The following CCDC178 variants were observed in gnomAD, a reference collection of about 807,000 sequenced individuals.
CCDC178 encodes coiled-coil domain containing 178.
Under a neutral mutation model 117.4 loss-of-function variants are expected in CCDC178, and 126 were observed. That is an observed-to-expected ratio of 1.07 (90% confidence interval 0.93 to 1.24). The LOEUF is 1.24. Among genes scored for constraint, CCDC178 ranks in the 50% most tolerant of loss-of-function variants. CCDC178 has a pLI of 0.00. For synonymous variants in CCDC178, 283 were observed against 313.4 expected, an observed-to-expected ratio of 0.90 and a Z score of 1.02; for missense variants, 1,030 against 986.9, an observed-to-expected ratio of 1.04 and a Z score of -0.59.
intron 11 of CCDC178, among the ~76,000 whole-genome samples, chr18:33,306,412 T>TTGCG: frequency 7.9e-6 from 1 of 126,224 alleles, no homozygotes; most frequent in Non-Finnish European, 1.6e-5. Flanking sequence ...TATTGGATCT[T>TTGCG]TGTGTGTGTG....
intron 21 of CCDC178, among the ~76,000 whole-genome samples, chr18:33,076,205 G>A (rs2057204500): frequency 6.6e-6 from 1 of 152,198 alleles, no homozygotes; most frequent in South Asian, 2.1e-4. Flanking sequence ...CAGGCAGGCT[G>A]TGCTGCTGGT....
intron 15 of CCDC178, among the ~76,000 whole-genome samples, chr18:33,238,448 G>A (rs1290580248): frequency 6.6e-6 from 1 of 151,850 alleles, no homozygotes; most frequent in Non-Finnish European, 1.5e-5. Context: ...CAAAGATATA[G>A]ATATTATTAA....
intron 21 of CCDC178, among the ~76,000 whole-genome samples, chr18:33,003,109 C>A (rs2055674186): frequency 6.6e-6 from 1 of 152,082 alleles, no homozygotes; most frequent in African/African-American, 2.4e-5. Flanking sequence ...TAAAGAAGAG[C>A]TAATACCAAT....
intron 12 of CCDC178, among the ~76,000 whole-genome samples, chr18:33,277,131 A>T (rs762864606): frequency 6.6e-6 from 1 of 152,166 alleles, no homozygotes; most frequent in Non-Finnish European, 1.5e-5. Context: ...AAAAATAATG[A>T]TTAAAGGCAT....
At position 33,198,581 on chromosome 18, in the gene CCDC178, A is replaced by T. The variant is rs183217560; in HGVS notation, c.2238+13315T>A. Among the ~76,000 whole-genome samples the T allele has an allele frequency of 1.3e-3, 203 of 152,312 alleles. 3 individuals carry two copies. The highest frequency in any genetic ancestry group is 0.011 in the Admixed American group (165 of 15,294). ...TTAATTATATGAACAACCAAGATTTAAAAATATCTTATGCTATGTTTAGCA... is the reference window on the plus strand; with the variant it reads ...TTAATTATATGAACAACCAAGATTTTAAAATATCTTATGCTATGTTTAGCA... On this transcript the variant is annotated intron_variant, in intron 20 of 22. Transcript: ENST00000383096.
chr18:33,236,569 T>A (rs28713516), intron 15 of CCDC178, among the ~76,000 whole-genome samples: 14,941 of 152,092 alleles, frequency 0.098, 964 homozygotes, highest in African/African-American at 0.19. Flanking sequence ...GGAAACAACA[T>A]GATGAATACT....
At chr18:33,178,113 ATC>A (rs1471973412) in intron 20 of CCDC178, among the ~76,000 whole-genome samples, 1 of 152,052 alleles carries the variant, frequency 6.6e-6, no homozygotes, top group Non-Finnish European at 1.5e-5. Flanking sequence ...AACATCTTAC[ATC>A]TCTGCTTAGA....
At chr18:33,152,465 A>G (rs541521516) in intron 20 of CCDC178, among the ~76,000 whole-genome samples, 1 of 152,050 alleles carries the variant, frequency 6.6e-6, no homozygotes, top group South Asian at 2.1e-4. Flanking sequence ...GTGGCTGTGC[A>G]CTGGGGCTTG....
chr18:33,213,212 C>A (rs2059127136), intron 19 of CCDC178, among the ~76,000 whole-genome samples: 1 of 151,886 alleles, frequency 6.6e-6, no homozygotes, highest in African/African-American at 2.4e-5. Flanking sequence ...CAAATCTAGT[C>A]CTGCCTTTTT....
chr18:33,123,874 C>A lies in CCDC178; in HGVS notation c.2239-30964G>T, dbSNP rs553700676. On this transcript the variant is annotated intron_variant, in intron 20 of 22. Transcript: ENST00000383096. ...TCAGCAAATATATTACAAAAACTGT[C>A]CATTTGCCTGTCCCTTTTAATCTTA... is the stretch of plus-strand genomic sequence containing the variant. 1.3e-4 allele frequency among the ~76,000 whole-genome samples: 20 copies of A among 152,228 alleles called. No homozygotes were observed. The South Asian group carries it at 3.9e-3, about 30-fold the overall frequency.
At chr18:33,338,950 T>C (rs2062778729) in intron 9 of CCDC178, among the ~76,000 whole-genome samples, 1 of 152,156 alleles carries the variant, frequency 6.6e-6, no homozygotes, top group East Asian at 1.9e-4. Context: ...CAGAAGTTTT[T>C]ATGAAAATTT....
At chr18:33,022,997 A>G (rs1035216138) in intron 21 of CCDC178, among the ~76,000 whole-genome samples, 3 of 152,126 alleles carry the variant, frequency 2.0e-5, no homozygotes, top group Non-Finnish European at 4.4e-5. Flanking sequence ...GAGGGACATT[A>G]TATAATAATA....
chr18:33,364,729 CTCCTTTTT>C (rs1157325138), intron 6 of CCDC178, among the ~76,000 whole-genome samples: 1 of 123,640 alleles, frequency 8.1e-6, no homozygotes, highest in Non-Finnish European at 1.6e-5. Flanking sequence ...TCTGTTGTCG[CTCCTTTTT>C]TTTTTTTTTT....
intron 20 of CCDC178, among the ~76,000 whole-genome samples, chr18:33,114,504 C>G (rs2057825930): frequency 6.6e-6 from 1 of 151,998 alleles, no homozygotes; most frequent in Non-Finnish European, 1.5e-5. Flanking sequence ...AGTTATTACT[C>G]TATTACTAAT....
At chr18:33,203,415 G>A (rs116307653) in intron 20 of CCDC178, among the ~76,000 whole-genome samples, 67 of 152,014 alleles carry the variant, frequency 4.4e-4, no homozygotes, top group African/African-American at 1.5e-3. Flanking sequence ...AATTATAACT[G>A]CATTTGCCTT....
chr18:33,189,109 G>A (rs2058828732), intron 20 of CCDC178, among the ~76,000 whole-genome samples: 1 of 152,138 alleles, frequency 6.6e-6, no homozygotes. Context: ...GGTTTGAAAT[G>A]CAGGAGTTTC....
At chr18:33,098,360 G>A (rs765547256) in intron 20 of CCDC178, among the ~76,000 whole-genome samples, 4 of 151,982 alleles carry the variant, frequency 2.6e-5, no homozygotes, top group Non-Finnish European at 5.9e-5. Flanking sequence ...TTACCAGGCA[G>A]AGGGGCTAGG....
chr18:33,257,998 A>T (rs2059700138), intron 14 of CCDC178, among the ~76,000 whole-genome samples: 1 of 151,972 alleles, frequency 6.6e-6, no homozygotes, highest in Non-Finnish European at 1.5e-5. Flanking sequence ...CCACCTACCA[A>T]AAGGTCCAGT....
intron 11 of CCDC178, among the ~76,000 whole-genome samples, chr18:33,299,306 C>T (rs934494605): frequency 6.6e-6 from 1 of 152,076 alleles, no homozygotes; most frequent in African/African-American, 2.4e-5. Flanking sequence ...TACATATCTA[C>T]AACCAACTGA....
Sources: allele counts gnomAD v4.1 joint callset (sites outside exome capture counted in the v4.1 genomes callset), GRCh38; gene constraint gnomAD v4.1.1; transcripts MANE v1.5; gene names NCBI Gene and HGNC (gene_info 2026-07-23, HGNC 2026-07-21).